Variants in GRID1 observed in about 807,000 individuals in gnomAD.
The protein encoded by GRID1 is glutamate receptor ionotropic, delta-1.
A neutral mutation model predicts 98.0 loss-of-function variants in GRID1; 28 were observed. That is an observed-to-expected ratio of 0.29 (90% CI 0.21 to 0.39). The LOEUF is 0.39. Ranked by LOEUF, GRID1 falls within the 10% of genes least tolerant of loss-of-function variation. The pLI, the probability that GRID1 is intolerant of heterozygous loss-of-function variation, is 1.00. For missense variants in GRID1, 1,111 were observed against 1,340.5 expected (o/e 0.83, Z 2.67); for synonymous variants, 553 against 538.5 (o/e 1.03, Z -0.37).
chr10:85,986,224 G>T (rs1842606799), intron 4 of GRID1, among the ~76,000 whole-genome samples: 1 of 152,202 alleles, frequency 6.6e-6, no homozygotes. Flanking sequence ...ATTTGAAGCA[G>T]CCCAAATTTA....
At chr10:85,994,142 AG>A (rs1370681715) in intron 4 of GRID1, among the ~76,000 whole-genome samples, 1 of 152,234 alleles carries the variant, frequency 6.6e-6, no homozygotes, top group Admixed American at 6.5e-5. Context: ...ACAACAGGAA[AG>A]AAAAATGAGC....
chr10:85,713,216 G>T (rs1185638221), intron 12 of GRID1, among the ~76,000 whole-genome samples: 1 of 151,560 alleles, frequency 6.6e-6, no homozygotes, highest in Non-Finnish European at 1.5e-5. Flanking sequence ...AATTATAAAT[G>T]AAAAAGAAGC....
At chr10:85,875,256 CTATT>C (rs1288254098) in intron 5 of GRID1, among the ~76,000 whole-genome samples, 8 of 152,206 alleles carry the variant, frequency 5.3e-5, no homozygotes, top group Non-Finnish European at 7.3e-5. Context: ...TATAGATACC[CTATT>C]TATTTCTAGT....
At chr10:86,080,981 C>A (rs1246773608) in intron 4 of GRID1, among the ~76,000 whole-genome samples, 1 of 152,092 alleles carries the variant, frequency 6.6e-6, no homozygotes, top group South Asian at 2.1e-4. Flanking sequence ...CCAGAAAAAG[C>A]CCCAGACACA....
chr10:85,901,459 A>G (rs1487261892), intron 5 of GRID1, among the ~76,000 whole-genome samples: 1 of 152,088 alleles, frequency 6.6e-6, no homozygotes, highest in Non-Finnish European at 1.5e-5. Flanking sequence ...CGTGTTAGCC[A>G]GGATGGTCTC....
At chr10:86,302,346 G>A (rs555660474) in intron 2 of GRID1, among the ~76,000 whole-genome samples, 2 of 152,322 alleles carry the variant, frequency 1.3e-5, no homozygotes, top group South Asian at 2.1e-4. Flanking sequence ...AGCCTCGGAG[G>A]TTTGAGAAGC....
chr10:85,765,805 C>G (rs1590221805), intron 8 of GRID1, among the ~76,000 whole-genome samples: 1 of 152,226 alleles, frequency 6.6e-6, no homozygotes, highest in African/African-American at 2.4e-5. Flanking sequence ...GACCACTGTT[C>G]CACCCAACTT....
At chr10:86,361,408 A>G (rs901865104) in intron 2 of GRID1, among the ~76,000 whole-genome samples, 1 of 152,144 alleles carries the variant, frequency 6.6e-6, no homozygotes, top group Non-Finnish European at 1.5e-5. Flanking sequence ...CCCACCAACA[A>G]TACCTGGCCA....
At chr10:86,270,906 T>A (rs909606628) in intron 2 of GRID1, among the ~76,000 whole-genome samples, 1 of 152,100 alleles carries the variant, frequency 6.6e-6, no homozygotes, top group African/African-American at 2.4e-5. Flanking sequence ...GCCCTACAAT[T>A]TCTTCAGCTG....
intron 4 of GRID1, among the ~76,000 whole-genome samples, chr10:85,990,476 C>T (rs114415920): frequency 0.011 from 1,723 of 152,294 alleles, 42 homozygotes; most frequent in African/African-American, 0.04. Context: ...TCAACAAATA[C>T]GTGATAGGTG....
chr10:86,366,366 G>A lies in GRID1; in HGVS notation c.27C>T (p.Leu9=). ...CCGACACGCACTGGCATATCCAGGGGAGAAGCCACAGCGTCAGCGCTTCCA... is the reference window on the plus strand; with the variant it reads ...CCGACACGCACTGGCATATCCAGGGAAGAAGCCACAGCGTCAGCGCTTCCA... The part of the protein sequence containing the change: MEALTLWL[L]PWICQCVSVR... Residue 9 remains leucine, a synonymous_variant, in exon 1 of 16, where the codon CTC becomes CTT. Transcript: ENST00000327946. The surrounding 1 kb of genome is among the most constrained non-coding windows in gnomAD (Gnocchi z 4.1). 1 of 1,519,382 alleles carries A rather than the reference G, an allele frequency of 6.6e-7. No homozygotes were observed. Among genetic ancestry groups the A allele is most frequent in the Non-Finnish European group, 8.8e-7 (1 of 1,131,580 alleles). 94.1% of individuals were successfully genotyped at this position (1,519,382 alleles called of 1,614,324 possible).
intron 2 of GRID1, among the ~76,000 whole-genome samples, chr10:86,250,612 C>T (rs999301915): frequency 7.3e-6 from 1 of 137,406 alleles, no homozygotes; most frequent in Non-Finnish European, 1.7e-5. Flanking sequence ...GGGGGCAGCC[C>T]CCGCCTGGCC....
chr10:86,201,781 A>T (rs1845956461), intron 3 of GRID1, among the ~76,000 whole-genome samples: 1 of 152,166 alleles, frequency 6.6e-6, no homozygotes, highest in East Asian at 1.9e-4. Context: ...GCATAAATTT[A>T]AAATTTCCAT....
chr10:85,637,059 T>C (rs1346877022), intron 13 of GRID1, among the ~76,000 whole-genome samples: 1 of 152,198 alleles, frequency 6.6e-6, no homozygotes, highest in African/African-American at 2.4e-5. Context: ...AAAATACTAG[T>C]CACTAATTTT....
intron 12 of GRID1, among the ~76,000 whole-genome samples, chr10:85,720,257 G>A (rs9804246): frequency 1.3e-5 from 2 of 151,948 alleles, no homozygotes; most frequent in Admixed American, 6.6e-5. Flanking sequence ...TCAGTTAGTC[G>A]ATTTGCTCTG....
intron 8 of GRID1, among the ~76,000 whole-genome samples, chr10:85,817,998 T>A (rs1043187931): frequency 4.6e-5 from 7 of 152,236 alleles, no homozygotes; most frequent in African/African-American, 1.4e-4. Flanking sequence ...AGTGATTTGC[T>A]TGGATACTCT....
intron 12 of GRID1, among the ~76,000 whole-genome samples, chr10:85,703,389 T>C (rs908700819): frequency 7.9e-5 from 12 of 151,924 alleles, no homozygotes; most frequent in Admixed American, 6.6e-4. Flanking sequence ...ATTGTAACTA[T>C]AGATATGGAT....
chr10:86,224,700 C>T (rs10887562), intron 2 of GRID1, among the ~76,000 whole-genome samples: 23,129 of 152,128 alleles, frequency 0.15, 2,238 homozygotes, highest in East Asian at 0.45. Flanking sequence ...CAGGTTTCAC[C>T]TCCCTCTACG....
chr10:85,823,101 TG>T (rs1475025477), intron 8 of GRID1, among the ~76,000 whole-genome samples: 1 of 152,132 alleles, frequency 6.6e-6, no homozygotes, highest in African/African-American at 2.4e-5. Flanking sequence ...GACAAGTTAA[TG>T]GGTGCAGCAC....
Sources: allele counts gnomAD v4.1 joint callset (sites outside exome capture counted in the v4.1 genomes callset), GRCh38; gene constraint gnomAD v4.1.1; non-coding constraint Gnocchi (gnomAD v3.1); transcripts MANE v1.5; gene names NCBI Gene and HGNC (gene_info 2026-07-23, HGNC 2026-07-21).